The following SNRPN variants were observed in gnomAD, a reference collection of about 807,000 sequenced individuals.
The protein encoded by SNRPN is small nuclear ribonucleoprotein polypeptide N.
Under a neutral mutation model 25.2 loss-of-function variants are expected in SNRPN, and 7 were observed. That is an observed-to-expected ratio of 0.28 (90% CI 0.16 to 0.52). The LOEUF is 0.52. Among genes scored for constraint, SNRPN ranks in the 20% least tolerant of loss-of-function variants. The probability of loss-of-function intolerance (pLI) is 0.96; values close to 1 mark genes in which losing one functional copy is unlikely to be tolerated. For synonymous variants in SNRPN, 124 were observed against 110.6 expected, an observed-to-expected ratio of 1.12 and a Z score of -0.76; for missense variants, 196 against 322.5, an observed-to-expected ratio of 0.61 and a Z score of 3.00.
upstream of SNRPN, among the ~76,000 whole-genome samples, chr15:24,853,569 A>G (rs1294201023): frequency 6.6e-6 from 1 of 151,940 alleles, no homozygotes; most frequent in Non-Finnish European, 1.5e-5. Context: ...AATTTTTCGT[A>G]TTTTTAGTGG....
intron 2 of SNRPN, among the ~76,000 whole-genome samples, chr15:24,912,063 C>T (rs1595859964): frequency 6.6e-6 from 1 of 152,230 alleles, no homozygotes; most frequent in Non-Finnish European, 1.5e-5. Flanking sequence ...AGCTGACTCT[C>T]ACACCTCAAG....
At chr15:24,877,718 G>A (rs185208707) in intron 1 of SNRPN, among the ~76,000 whole-genome samples, 5 of 151,228 alleles carry the variant, frequency 3.3e-5, no homozygotes, top group Admixed American at 6.6e-5. Context: ...CGGGCGCAGT[G>A]GCGCGCGCCT....
Position 24,918,754 on chromosome 15 carries a change from A to G in SNRPN, c.-504-1257A>G, listed in dbSNP as rs111217911. ...TGTGTGCATATATATAACATAATAT[A>G]TATGTGTGCATATATATATAACATA... On this transcript the variant is annotated intron_variant, in intron 2 of 11. Coordinates refer to the SNRPN transcript ENST00000400097. Among the ~76,000 whole-genome samples the G allele has an allele frequency of 4.3e-5, 3 of 70,266 alleles. 1 individual carries two copies. In the Admixed American group the frequency reaches 5.7e-4, roughly 13 times the overall value. 46.1% of individuals were successfully genotyped at this position (70,266 alleles called of 152,430 possible).
At position 24,890,082 on chromosome 15, in the gene SNRPN, C is replaced by A. The variant is rs189727784; in HGVS notation, c.-505+3493C>A. ...AAAAAAAAAAGGATATCCTCAATTG[C>A]GGTGCCCTGGCATACTGAGTATTTT... On this transcript the variant is annotated intron_variant, in intron 2 of 11. Coordinates refer to the SNRPN transcript ENST00000400097. Among the ~76,000 whole-genome samples the A allele has an allele frequency of 6.1e-3, 917 of 149,920 alleles. 3 individuals are homozygous for A. Among genetic ancestry groups the A allele is most frequent in the Non-Finnish European group, 9.5e-3 (645 of 67,668 alleles).
At chr15:24,970,562 G>C (rs1209264852) in intron 3 of SNRPN, among the ~76,000 whole-genome samples, 1 of 152,182 alleles carries the variant, frequency 6.6e-6, no homozygotes, top group Non-Finnish European at 1.5e-5. Context: ...CTGCGTGACA[G>C]AGCAAGACTT....
intron 2 of SNRPN, chr15:24,909,708 G>T: frequency 1.6e-6 from 2 of 1,232,808 alleles, no homozygotes; most frequent in Non-Finnish European, 2.4e-6. Context: ...TTTTTATCCT[G>T]TATCACCAAG....
At chr15:24,885,547 T>G (rs2057111880) in intron 1 of SNRPN, among the ~76,000 whole-genome samples, 1 of 152,224 alleles carries the variant, frequency 6.6e-6, no homozygotes, top group African/African-American at 2.4e-5. Flanking sequence ...TTTAACCATT[T>G]TGCTTTTATT....
intron 3 of SNRPN, among the ~76,000 whole-genome samples, chr15:24,933,094 T>C (rs1362372873): frequency 2.0e-5 from 3 of 152,004 alleles, no homozygotes; most frequent in Non-Finnish European, 2.9e-5. Flanking sequence ...AGACCTCTTC[T>C]CTACAAAAAA....
At chr15:24,917,467 C>T (rs529001833) in intron 2 of SNRPN, among the ~76,000 whole-genome samples, 1 of 152,278 alleles carries the variant, frequency 6.6e-6, no homozygotes, top group African/African-American at 2.4e-5. Context: ...GAAGAAAAAC[C>T]AAGATTACTG....
intron 3 of SNRPN, among the ~76,000 whole-genome samples, chr15:24,938,587 T>A (rs1265466613): frequency 2.6e-5 from 4 of 152,188 alleles, no homozygotes; most frequent in African/African-American, 9.6e-5. Context: ...TTGAAGATTT[T>A]TATTACTTAC....
chr15:24,903,854 TA>T (rs1297016273), intron 2 of SNRPN, among the ~76,000 whole-genome samples: 1 of 151,924 alleles, frequency 6.6e-6, no homozygotes, highest in Non-Finnish European at 1.5e-5. Flanking sequence ...GCAATGTGGA[TA>T]AACCCCATCT....
intron 2 of SNRPN, among the ~76,000 whole-genome samples, chr15:24,830,148 G>T (rs757028449): frequency 6.6e-6 from 1 of 152,132 alleles, no homozygotes; most frequent in African/African-American, 2.4e-5. Flanking sequence ...ACGTAACCAT[G>T]CCTTGTATAC....
chr15:24,831,449 C>T (rs571340780), intron 2 of SNRPN, among the ~76,000 whole-genome samples: 17 of 151,966 alleles, frequency 1.1e-4, no homozygotes, highest in Non-Finnish European at 2.2e-4. Context: ...TTGCTAAGAA[C>T]ATATGTGTTA....
chr15:24,839,864 G>T (rs1349389899), intron 2 of SNRPN, among the ~76,000 whole-genome samples: 4 of 151,370 alleles, frequency 2.6e-5, no homozygotes, highest in Non-Finnish European at 5.9e-5. Context: ...GTCACATGTG[G>T]TCCTAGCTGG....
intron 3 of SNRPN, among the ~76,000 whole-genome samples, chr15:24,971,930 C>T (rs1385073551): frequency 6.6e-6 from 1 of 152,122 alleles, no homozygotes; most frequent in Non-Finnish European, 1.5e-5. Context: ...CTTTGGATGG[C>T]TGAAGGTCCC....
chr15:24,878,403 G>T (rs1008428990), intron 1 of SNRPN, among the ~76,000 whole-genome samples: 1 of 152,206 alleles, frequency 6.6e-6, no homozygotes, highest in Non-Finnish European at 1.5e-5. Flanking sequence ...ACGGCAGCCC[G>T]CAGGGGCCGA....
intron 1 of SNRPN, among the ~76,000 whole-genome samples, chr15:24,863,442 C>T (rs1206214866): frequency 6.7e-6 from 1 of 149,894 alleles, no homozygotes; most frequent in African/African-American, 2.5e-5. Flanking sequence ...CCACTGTCTC[C>T]ATGGACATAC....
At chr15:24,923,876 CGTGT>C (rs1298019876) in intron 3 of SNRPN, among the ~76,000 whole-genome samples, 1 of 107,022 alleles carries the variant, frequency 9.3e-6, no homozygotes, top group African/African-American at 3.8e-5. Flanking sequence ...TTTTTAGTGC[CGTGT>C]ATGTGTGTGT....
chr15:24,873,640 G>T (rs1190176127), intron 1 of SNRPN, among the ~76,000 whole-genome samples: 4 of 151,908 alleles, frequency 2.6e-5, no homozygotes, highest in Non-Finnish European at 5.9e-5. Flanking sequence ...GTAGAGACGG[G>T]GTTTCACCGT....
Sources: gnomAD v4.1 joint callset for allele counts (sites outside exome capture counted in the v4.1 genomes callset) on GRCh38, gnomAD v4.1.1 for gene constraint, MANE v1.5 for transcripts, NCBI Gene and HGNC (gene_info 2026-07-23, HGNC 2026-07-21) for gene names.